CCDC7: variants seen among roughly 807,000 people sequenced by gnomAD.
CCDC7 encodes the protein coiled-coil domain containing 7.
CCDC7 carries 183 observed loss-of-function variants against 196.9 expected under a neutral mutation model. The ratio of observed to expected loss-of-function variants is 0.93; its 90% confidence interval spans 0.82 to 1.05. The LOEUF is 1.05. Ranked by LOEUF, CCDC7 falls within the 50% of genes least tolerant of loss-of-function variation. CCDC7 has a pLI of 0.00. For synonymous variants in CCDC7, 525 were observed against 484.6 expected, an observed-to-expected ratio of 1.08 and a Z score of -1.10; for missense variants, 1,540 against 1,482.2, an observed-to-expected ratio of 1.04 and a Z score of -0.64.
chr10:32,451,719 T>G lies in CCDC7; in HGVS notation c.77T>G (p.Leu26Arg), dbSNP rs759605089. The G allele has an allele frequency of 3.1e-6, 5 of 1,614,072 alleles. No homozygotes were observed. In the South Asian group the frequency reaches 3.3e-5, roughly 11 times the overall value. Residue 26 changes from leucine (L) to arginine (R), a missense_variant, in exon 1 of 42, where the codon CTA becomes CGA. Physicochemically the swap from Leu to Arg is moderately radical, Grantham distance 102. Transcript: ENST00000639629. ...CCAGCATTAACTACTAAAAAAGGAC[T>G]ACATAATTTACCATTATCACCTGAG...
chr10:32,729,913 T>C (rs1334080488), intron 28 of CCDC7, among the ~76,000 whole-genome samples: 1 of 152,192 alleles, frequency 6.6e-6, no homozygotes, highest in Non-Finnish European at 1.5e-5. Flanking sequence ...TTTCATCATA[T>C]TATGTTTAAC....
In CCDC7 at chr10:32,518,525, T is replaced by A. The variant is rs760836055; in HGVS notation, c.993+20T>A. 1.3e-6 allele frequency: 2 copies of A among 1,596,118 alleles called. No individual in the cohort carries two copies. The highest frequency in any genetic ancestry group is 2.3e-5 in the South Asian group (2 of 87,788). On this transcript the variant is annotated intron_variant, in intron 11 of 41. Coordinates refer to ENST00000639629, the Ensembl canonical transcript of CCDC7. ...AAAGAGGTTGGAAAAATTTTAGTGT[T>A]TGAAAATGGCATACACCTAATAAGG...
At chr10:32,467,466 T>C (rs1306041325) in intron 5 of CCDC7, among the ~76,000 whole-genome samples, 1 of 152,136 alleles carries the variant, frequency 6.6e-6, no homozygotes, top group African/African-American at 2.4e-5. Flanking sequence ...TGCTTAAGTT[T>C]CTTATAGATG....
chr10:32,701,873 T>A (rs7910511), intron 24 of CCDC7, among the ~76,000 whole-genome samples: 8 of 151,906 alleles, frequency 5.3e-5, no homozygotes, highest in Non-Finnish European at 8.8e-5. Flanking sequence ...ATCCCCTTTA[T>A]CATTTTTTAT....
At chr10:32,603,764 T>C (rs748637564) in intron 18 of CCDC7, among the ~76,000 whole-genome samples, 6 of 152,140 alleles carry the variant, frequency 3.9e-5, no homozygotes, top group Non-Finnish European at 8.8e-5. Flanking sequence ...TTAAGAAATG[T>C]CTATTTAGAT....
rs190734825 is a variant in CCDC7, at chr10:32,808,701, T to C, written c.3097+3603T>C. Among the ~76,000 whole-genome samples, 4 of 147,212 alleles carry C rather than the reference T, an allele frequency of 2.7e-5. No individual in the cohort carries two copies. In the Admixed American group the frequency reaches 2.8e-4, roughly 10 times the overall value. On this transcript the variant is annotated intron_variant, in intron 30 of 41. Coordinates refer to ENST00000639629, the Ensembl canonical transcript of CCDC7. ...CATGCTCAGCCATTGCTATCACTAA[T>C]GAGGCCAAGGACTGATTCACCTGGG...
At position 32,655,613 on chromosome 10, in the gene CCDC7, A is replaced by G. The variant is rs530056340; in HGVS notation, c.2015-8441A>G. ...GTGATCTTGGCTCACTGCAACCTCC[A>G]CATTCTGGGTTCAAGTGATTCTCCT... On this transcript the variant is annotated intron_variant, in intron 20 of 41. Transcript: ENST00000639629. 2.0e-5 allele frequency among the ~76,000 whole-genome samples: 3 copies of G among 152,168 alleles called. No individual in the cohort carries two copies. In the South Asian group the frequency reaches 6.2e-4, roughly 32 times the overall value.
intron 29 of CCDC7, among the ~76,000 whole-genome samples, chr10:32,789,083 G>C (rs2082290328): frequency 2.7e-5 from 4 of 146,426 alleles, no homozygotes; most frequent in African/African-American, 9.9e-5. Context: ...TGGTTGAGCT[G>C]AACGGTAAAG....
chr10:32,736,399 T>G (rs2084876862), intron 28 of CCDC7, among the ~76,000 whole-genome samples: 1 of 152,194 alleles, frequency 6.6e-6, no homozygotes, highest in Admixed American at 6.5e-5. Flanking sequence ...AATTTTAGTT[T>G]ATTATTATAC....
Position 32,782,218 on chromosome 10 carries a change from GTTTTTTTTTTGT to G in CCDC7, c.3013+3142_3013+3153del, listed in dbSNP as rs1231212190. Among the ~76,000 whole-genome samples, 4 of 96,354 alleles carry G rather than the reference GTTTTTTTTTTGT, an allele frequency of 4.2e-5. No homozygotes were observed. The East Asian group carries it at 1.5e-3, about 35-fold the overall frequency. The allele number at this position is 96,354 out of a possible 152,430, so 63.2% of individuals were successfully genotyped here. On this transcript the variant is annotated intron_variant, in intron 29 of 41. Transcript: ENST00000639629. ...ATGTTCATGGATTAGAAGATAACTTGTTTTTTTTTTGTTTTTTTTGGTTTTTTTTTGAGATTG... is the reference window on the plus strand; with the variant it reads ...ATGTTCATGGATTAGAAGATAACTTGTTTTTTTGGTTTTTTTTTGAGATTG...
chr10:32,561,946 C>A (rs994597264), intron 13 of CCDC7, among the ~76,000 whole-genome samples: 29 of 151,966 alleles, frequency 1.9e-4, no homozygotes, highest in Admixed American at 1.4e-3. Flanking sequence ...CAAATAGACG[C>A]AATAAAAAAT....
intron 25 of CCDC7, among the ~76,000 whole-genome samples, chr10:32,724,543 G>A (rs922339508): frequency 6.6e-6 from 1 of 152,118 alleles, no homozygotes; most frequent in Non-Finnish European, 1.5e-5. Context: ...ATGAGTGGCA[G>A]ATGTTTCATT....
intron 18 of CCDC7, among the ~76,000 whole-genome samples, chr10:32,609,482 T>C (rs552751130): frequency 1.3e-5 from 2 of 152,326 alleles, no homozygotes; most frequent in South Asian, 4.1e-4. Flanking sequence ...TCCTTTTACT[T>C]TGAATTTCCA....
chr10:32,662,637 A>G (rs1006791710), intron 20 of CCDC7, among the ~76,000 whole-genome samples: 1 of 152,154 alleles, frequency 6.6e-6, no homozygotes, highest in Non-Finnish European at 1.5e-5. Flanking sequence ...GACTTAAACA[A>G]ATGGTCCAGG....
At chr10:32,787,114 AAAGAG>A (rs2082006533) in intron 29 of CCDC7, among the ~76,000 whole-genome samples, 1 of 152,174 alleles carries the variant, frequency 6.6e-6, no homozygotes, top group African/African-American at 2.4e-5. Flanking sequence ...CAGAAGGAGA[AAAGAG>A]AAAAGAGCAG....
intron 28 of CCDC7, among the ~76,000 whole-genome samples, chr10:32,750,803 G>A (rs933379770): frequency 6.6e-6 from 1 of 152,124 alleles, no homozygotes; most frequent in African/African-American, 2.4e-5. Flanking sequence ...TTCTCACATT[G>A]TTTATCATTC....
chr10:32,683,181 G>A (rs1335097839), intron 21 of CCDC7, among the ~76,000 whole-genome samples: 1 of 152,126 alleles, frequency 6.6e-6, no homozygotes, highest in African/African-American at 2.4e-5. Context: ...TGTGGTGAAA[G>A]GAAGCAGTCC....
intron 28 of CCDC7, among the ~76,000 whole-genome samples, chr10:32,730,945 T>G (rs1241715359): frequency 6.6e-6 from 1 of 152,114 alleles, no homozygotes; most frequent in Non-Finnish European, 1.5e-5. Context: ...TCTGCTACAA[T>G]GTTACAGACA....
intron 20 of CCDC7, among the ~76,000 whole-genome samples, chr10:32,639,155 C>G (rs565572044): frequency 1.1e-4 from 17 of 152,196 alleles, no homozygotes; most frequent in African/African-American, 4.1e-4. Context: ...AGCGGTCTAT[C>G]AATTTTGTTG....
Sources: allele counts gnomAD v4.1 joint callset (sites outside exome capture counted in the v4.1 genomes callset), GRCh38; gene constraint gnomAD v4.1.1; transcripts MANE v1.5; gene names NCBI Gene and HGNC (gene_info 2026-07-23, HGNC 2026-07-21).